RBBP6: variants seen among roughly 807,000 people sequenced by gnomAD.
The protein encoded by RBBP6 is E3 ubiquitin-protein ligase RBBP6.
RBBP6 carries 25 observed loss-of-function variants against 167.7 expected under a neutral mutation model. The observed-to-expected ratio is 0.15, with a 90% confidence interval of 0.11 to 0.21. The LOEUF is 0.21. Among genes scored for constraint, RBBP6 ranks in the 10% least tolerant of loss-of-function variants. The pLI, the probability that RBBP6 is intolerant of heterozygous loss-of-function variation, is 1.00. For synonymous variants in RBBP6, 789 were observed against 735.8 expected (o/e 1.07, Z -1.17); for missense variants, 1,868 against 2,134.2 (o/e 0.88, Z 2.46).
At position 24,555,686 on chromosome 16, in the gene RBBP6, T is replaced by G. The variant is rs370277613; in HGVS notation, c.420T>G (p.His140Gln). The G allele has an allele frequency of 6.2e-7, 1 of 1,613,532 alleles. No individual in the cohort carries two copies. Among genetic ancestry groups the G allele is most frequent in the African/African-American group, 1.3e-5 (1 of 74,912 alleles). The stretch of plus-strand genomic sequence containing the variant: ...AAGCAATGATGTCGCAATCTGGCCA[T>G]GAATACGACCCAATCAAGTAAGTTC... Reference protein sequence around the residue: ...KIKAMMSQSGHEYDPINYMKK... With the variant: ...KIKAMMSQSGQEYDPINYMKK... The change falls in exon 5 of 18, where the codon CAT becomes CAG. Residue 140 changes from histidine (H) to glutamine (Q), a missense_variant. His to Gln is a conservative substitution (Grantham distance 24, BLOSUM62 0). Transcript: ENST00000319715.
At chr16:24,562,599 T>C (rs1899092149) in intron 10 of RBBP6, among the ~76,000 whole-genome samples, 1 of 151,838 alleles carries the variant, frequency 6.6e-6, no homozygotes, top group African/African-American at 2.4e-5. Context: ...AGCATAATTA[T>C]TATGTAGGAG....
chr16:24,559,416 T>TA (rs1452605527), intron 7 of RBBP6, 89 bp from the exon 8 acceptor site: 2 of 1,106,832 alleles, frequency 1.8e-6, no homozygotes, highest in Non-Finnish European at 2.6e-6. Context: ...TGCGCTGAAT[T>TA]ATGTGTTCCC....
chr16:24,540,885 A>G, intron 1 of RBBP6, 93 bp downstream of exon 1: 1 of 1,443,578 alleles, frequency 6.9e-7, no homozygotes, highest in Admixed American at 2.2e-5. Flanking sequence ...TTATGTCTCT[A>G]GTGGGGACTG....
At chr16:24,553,261 T>C (rs780156716) in intron 3 of RBBP6, 156 of 394,844 alleles carry the variant, frequency 4.0e-4, no homozygotes, top group Non-Finnish European at 6.3e-4. Context: ...CTGAACAGAT[T>C]TTCTGTGTGA....
Position 24,572,003 on chromosome 16 carries a change from G to A in RBBP6, c.4937G>A (p.Ser1646Asn). 6.2e-7 allele frequency: 1 copy of A among 1,614,016 alleles called. No homozygotes were observed. Among genetic ancestry groups the A allele is most frequent in the Non-Finnish European group, 8.5e-7 (1 of 1,179,992 alleles). Residue 1646 changes from serine to asparagine, a missense_variant, in exon 18 of 18, where the codon AGT (serine) becomes AAT (asparagine). This residue lies in a region of RBBP6 where 591 missense variants were observed against 540.5 expected (regional missense o/e 1.09). Transcript: ENST00000319715. ...AFEPDYNESD[S>N]ESNVSVKEEE... ...GAACCAGACTATAATGAAAGTGACA[G>A]TGAAAGTAATGTTTCTGTAAAAGAA...
intron 14 of RBBP6, among the ~76,000 whole-genome samples, chr16:24,566,833 G>A (rs1262297439): frequency 6.6e-6 from 1 of 152,186 alleles, no homozygotes; most frequent in African/African-American, 2.4e-5. Flanking sequence ...GACAGTTTAG[G>A]AAGTAACAGG....
chr16:24,571,202 A>G lies in RBBP6; in HGVS notation c.4136A>G (p.Asp1379Gly). 1 of 1,614,060 alleles carries G rather than the reference A, an allele frequency of 6.2e-7. No individual in the cohort carries two copies. The highest frequency in any genetic ancestry group is 8.5e-7 in the Non-Finnish European group (1 of 1,179,976). The stretch of plus-strand genomic sequence containing the variant: ...GAGAAAATTCAGAAATTCACCAAGG[A>G]CGTGAGCCATGAAATCATACAACAT... ...PSEKIQKFTK[D>G]VSHEIIQHEV... The change falls in exon 18 of 18, where the codon GAC becomes GGC. Residue 1379 changes from aspartate to glycine, a missense_variant. By Grantham distance (94) the Asp-to-Gly change is moderately conservative. Transcript: ENST00000319715.
Position 24,546,143 on chromosome 16 carries a change from TTCTG to T in RBBP6, c.167-16_167-13del. ...CTCAAATCCCCAAATGGAAATTCAA[TTCTG>T]TCTTTTTATTTACAGAATATACTGA... On this transcript the variant is annotated splice_polypyrimidine_tract_variant and intron_variant, in intron 1 of 17. Coordinates refer to ENST00000319715, the MANE Select transcript of RBBP6 (RefSeq NM_006910.5). 2.6e-6 allele frequency: 4 copies of T among 1,559,472 alleles called. No homozygotes were observed. Among genetic ancestry groups the T allele is most frequent in the Non-Finnish European group, 2.6e-6 (3 of 1,161,508 alleles).
rs777124561 is a variant in RBBP6, at chr16:24,569,448, G to C, written c.2758G>C (p.Glu920Gln). 2.5e-6 allele frequency: 4 copies of C among 1,613,368 alleles called. No individual in the cohort carries two copies. Among genetic ancestry groups the C allele is most frequent in the Non-Finnish European group, 3.4e-6 (4 of 1,179,932 alleles). The change falls in exon 17 of 18, where the codon GAG (glutamate) becomes CAG (glutamine). Residue 920 changes from glutamate to glutamine, a missense_variant. Coordinates refer to ENST00000319715, the MANE Select transcript of RBBP6 (RefSeq NM_006910.5). ...QKDNTKSKEKESENAPGDGKG... is the reference protein window; with the variant it reads ...QKDNTKSKEKQSENAPGDGKG... ...GGATAATACAAAGTCAAAAGAGAAG[G>C]AGAGTGAAAACGCTCCAGGAGATGG...
At chr16:24,552,190 A>G (rs1482690953) in intron 3 of RBBP6, among the ~76,000 whole-genome samples, 2 of 151,800 alleles carry the variant, frequency 1.3e-5, no homozygotes, top group Non-Finnish European at 3.0e-5. Context: ...AAACCCTAAG[A>G]TATTTGTGAG....
chr16:24,541,205 C>CAAAAAAA (rs933107246), intron 1 of RBBP6, among the ~76,000 whole-genome samples: 2,921 of 78,788 alleles, frequency 0.037, 224 homozygotes, highest in Non-Finnish European at 0.054. Context: ...AAAAAAAAAC[C>CAAAAAAA]AAAAAAACAA....
Position 24,567,104 on chromosome 16 carries a change from T to C in RBBP6, c.1590-39T>C, listed in dbSNP as rs538700144. Reference sequence around the variant, plus strand: ...TAAGCTTACTTGTCTCAGATGACTTTAGTTTGAAGAAGTAATATCTTGGAA... The same window carrying C: ...TAAGCTTACTTGTCTCAGATGACTTCAGTTTGAAGAAGTAATATCTTGGAA... On this transcript the variant is annotated intron_variant, in intron 14 of 17. Coordinates refer to ENST00000319715, the MANE Select transcript of RBBP6 (RefSeq NM_006910.5). The C allele has an allele frequency of 3.6e-5, 57 of 1,571,702 alleles. 1 individual carries two copies. The East Asian group carries it at 1.2e-3, about 33-fold the overall frequency.
Position 24,572,855 on chromosome 16 carries a change from C to T in RBBP6, c.*410C>T, listed in dbSNP as rs1899375370. ...GATTACAATAAAAGTTTTCAGTAAA[C>T]TTTTCAAATGTTGAGTATTTGCATT... On this transcript the variant is annotated 3_prime_UTR_variant, in exon 18 of 18. Coordinates refer to ENST00000319715, the MANE Select transcript of RBBP6 (RefSeq NM_006910.5). 6.2e-6 allele frequency: 1 copy of T among 161,758 alleles called. No homozygotes were observed. Among genetic ancestry groups the T allele is most frequent in the Admixed American group, 6.1e-5 (1 of 16,272 alleles). 10.0% of individuals were successfully genotyped at this position (161,758 alleles called of 1,614,324 possible).
chr16:24,564,469 G>A (rs1899145530), intron 13 of RBBP6, among the ~76,000 whole-genome samples: 1 of 152,076 alleles, frequency 6.6e-6, no homozygotes, highest in African/African-American at 2.4e-5. Flanking sequence ...ACTTCATTGT[G>A]CCCAGCAGAC....
At chr16:24,541,627 T>G (rs1898502657) in intron 1 of RBBP6, among the ~76,000 whole-genome samples, 1 of 152,220 alleles carries the variant, frequency 6.6e-6, no homozygotes. Flanking sequence ...AATCGTTAGA[T>G]TCTTTCTCCT....
rs897506176 is a variant in RBBP6, at chr16:24,561,937, A to G, written c.1065A>G (p.Gln355=). ...PPRPLIQRNL[Q]PLMRSPISRQ... is the part of the protein sequence containing the mutation. ...GACCACTGATTCAGAGGAACCTACA[A>G]CCTCTGATGAGATCTCCGATATCAA... Residue 355 remains glutamine (Q), a synonymous_variant, in exon 10 of 18, where the codon CAA becomes CAG. Coordinates refer to ENST00000319715, the MANE Select transcript of RBBP6 (RefSeq NM_006910.5). 1.9e-6 allele frequency: 3 copies of G among 1,612,720 alleles called. No homozygotes were observed. The highest frequency in any genetic ancestry group is 2.2e-5 in the East Asian group (1 of 44,848).
At chr16:24,566,786 A>G (rs1190126272) in intron 14 of RBBP6, among the ~76,000 whole-genome samples, 1 of 152,210 alleles carries the variant, frequency 6.6e-6, no homozygotes, top group Non-Finnish European at 1.5e-5. Context: ...GGGGAGAGCT[A>G]GGTCATAGCA....
At chr16:24,556,545 T>C (rs1391342402) in intron 7 of RBBP6, 98 bp downstream of exon 7, 4 of 1,350,800 alleles carry the variant, frequency 3.0e-6, no homozygotes, top group Non-Finnish European at 3.9e-6. Context: ...TTGGATTCCT[T>C]GAGAACTTTG....
At chr16:24,562,984 T>A (rs1899103061) in intron 10 of RBBP6, among the ~76,000 whole-genome samples, 1 of 148,184 alleles carries the variant, frequency 6.7e-6, no homozygotes, top group Admixed American at 6.8e-5. Flanking sequence ...AACTGTAGTA[T>A]CTTCTTAAGG....
Sources: gnomAD v4.1 joint callset for allele counts (sites outside exome capture counted in the v4.1 genomes callset) on GRCh38, gnomAD v4.1.1 for gene constraint, gnomAD v4.1.1 regional missense constraint, MANE v1.5 for transcripts, NCBI Gene and HGNC (gene_info 2026-07-23, HGNC 2026-07-21) for gene names.